Variants in FAM118B observed in about 807,000 individuals in gnomAD.
FAM118B encodes the protein SIR2 antiphage like 1, also known as protein FAM118B.
Under a neutral mutation model 38.5 loss-of-function variants are expected in FAM118B, and 24 were observed. The observed-to-expected ratio is 0.62, with a 90% CI of 0.45 to 0.88. The LOEUF (loss-of-function observed/expected upper bound fraction) is 0.88, where lower values mean the gene tolerates loss of function less well. Among genes scored for constraint, FAM118B ranks in the 40% least tolerant of loss-of-function variants. The pLI, the probability that FAM118B is intolerant of heterozygous loss-of-function variation, is 0.00. For missense variants in FAM118B, 334 were observed against 420.0 expected (o/e 0.80, Z 1.79); for synonymous variants, 138 against 156.3 (o/e 0.88, Z 0.87).
At chr11:126,221,089 A>G (rs1207504931) in intron 1 of FAM118B, among the ~76,000 whole-genome samples, 2 of 152,216 alleles carry the variant, frequency 1.3e-5, no homozygotes, top group African/African-American at 4.8e-5. Flanking sequence ...TGGGAGCCTG[A>G]GGCAGGAGAA....
At chr11:126,218,969 G>T (rs190496752) in intron 1 of FAM118B, among the ~76,000 whole-genome samples, 1 of 152,248 alleles carries the variant, frequency 6.6e-6, no homozygotes, top group East Asian at 1.9e-4. Context: ...CTCTGGATTT[G>T]GGGGTGGAGA....
chr11:126,235,214 A>G, intron 3 of FAM118B, 127 bp downstream of exon 3: 1 of 748,634 alleles, frequency 1.3e-6, no homozygotes, highest in Admixed American at 2.8e-5. Context: ...TCAAAATTAA[A>G]TTGTTTTTAT....
At chr11:126,237,394 TTTTA>T (rs1950290452) in intron 3 of FAM118B, among the ~76,000 whole-genome samples, 1 of 145,714 alleles carries the variant, frequency 6.9e-6, no homozygotes. Context: ...CTAATTTTTA[TTTTA>T]TTTATTTATT....
At position 126,250,448 on chromosome 11, in the gene FAM118B, A is replaced by G. The variant is rs1950486939; in HGVS notation, c.340-58A>G. The stretch of plus-strand genomic sequence containing the variant: ...CAAAATTTGTTACTGCTGTAACTAA[A>G]ACAACTGACCTACCAAAGCACTTTG... On this transcript the variant is annotated intron_variant, in intron 4 of 8. Transcript: ENST00000533050. This position sits in a 1 kb window ranked among gnomAD's most constrained non-coding sequence, Gnocchi z 5.1. The G allele has an allele frequency of 8.0e-7, 1 of 1,243,052 alleles. No homozygotes were observed. The highest frequency in any genetic ancestry group is 1.2e-6 in the Non-Finnish European group (1 of 859,602). 77.0% of individuals were successfully genotyped at this position (1,243,052 alleles called of 1,614,324 possible). A position where few individuals can be genotyped will look rare whatever the true frequency, so the allele number is the denominator to read the frequency against.
Position 126,252,520 on chromosome 11 carries a change from A to G in FAM118B, c.568-1785A>G, listed in dbSNP as rs1372572854. On this transcript the variant is annotated intron_variant, in intron 5 of 8. Coordinates refer to ENST00000533050, the MANE Select transcript of FAM118B (RefSeq NM_024556.4). This position sits in a 1 kb window ranked among gnomAD's most constrained non-coding sequence, Gnocchi z 4.7. Reference sequence around the variant, plus strand: ...CAGCACTTTGGGAAGCTGAGGCGGGAGGATCACTTGAGCCTAGTTCAAGAC... The same window carrying G: ...CAGCACTTTGGGAAGCTGAGGCGGGGGGATCACTTGAGCCTAGTTCAAGAC... Among the ~76,000 whole-genome samples the G allele has an allele frequency of 6.6e-6, 1 of 151,692 alleles. No individual in the cohort carries two copies. Among genetic ancestry groups the G allele is most frequent in the Non-Finnish European group, 1.5e-5 (1 of 67,894 alleles).
intron 1 of FAM118B, among the ~76,000 whole-genome samples, chr11:126,217,923 A>G (rs2135124744): frequency 6.6e-6 from 1 of 152,130 alleles, no homozygotes; most frequent in Non-Finnish European, 1.5e-5. Context: ...ACGTGACCGT[A>G]TTTTGTTTGT....
At chr11:126,214,872 C>G (rs920639153) in intron 1 of FAM118B, among the ~76,000 whole-genome samples, 5 of 152,126 alleles carry the variant, frequency 3.3e-5, no homozygotes, top group Non-Finnish European at 5.9e-5. Flanking sequence ...CAAACAAGGA[C>G]TAACTAATAA....
rs549922825 is a variant in FAM118B, at chr11:126,219,349, C to CTTTTTTTTTTTTTT, written c.-77+7546_-77+7559dup. Among the ~76,000 whole-genome samples the CTTTTTTTTTTTTTT allele has an allele frequency of 4.3e-4, 19 of 44,466 alleles. 2 individuals carry two copies. Among genetic ancestry groups the CTTTTTTTTTTTTTT allele is most frequent in the Non-Finnish European group, 6.6e-4 (17 of 25,872 alleles). 29.2% of individuals were successfully genotyped at this position (44,466 alleles called of 152,430 possible). A position where few individuals can be genotyped will look rare whatever the true frequency, so the allele number is the denominator to read the frequency against. On this transcript the variant is annotated intron_variant, in intron 1 of 8. Transcript: ENST00000533050. The stretch of plus-strand genomic sequence containing the variant: ...AGCTTATCCTTCAGCTCTTGTTTAT[C>CTTTTTTTTTTTTTT]TTTTTTTTTTTTTTTTTTTTTTTTT...
At position 126,256,869 on chromosome 11, in the gene FAM118B, A is replaced by G; in HGVS notation, c.982+17A>G. The G allele has an allele frequency of 1.3e-6, 2 of 1,596,458 alleles. No homozygotes were observed. Among genetic ancestry groups the G allele is most frequent in the Non-Finnish European group, 1.7e-6 (2 of 1,170,384 alleles). ...GTACATCAGGTAAGATGCATTTTGA[A>G]GCTGAGGGGAATCAGAGAACAACAG... On this transcript the variant is annotated intron_variant, in intron 7 of 8. Coordinates refer to ENST00000533050, the MANE Select transcript of FAM118B (RefSeq NM_024556.4). This position sits in a 1 kb window ranked among gnomAD's most constrained non-coding sequence, Gnocchi z 6.6.
Position 126,240,865 on chromosome 11 carries a change from G to A in FAM118B, c.160G>A (p.Ala54Thr). ...AGTGATTGGAACAGGCATTAGTGCT[G>A]CAGTTGCGCCCCAAGTTCCAGCCCT... ...VLVIGTGISA[A>T]VAPQVPALKS... Residue 54 changes from alanine to threonine, a missense_variant, in exon 4 of 9, where the codon GCA (alanine) becomes ACA (threonine). Ala to Thr is a moderately conservative substitution (Grantham distance 58, BLOSUM62 0). Transcript: ENST00000533050. 1 of 1,614,158 alleles carries A rather than the reference G, an allele frequency of 6.2e-7. No individual in the cohort carries two copies. The highest frequency in any genetic ancestry group is 1.1e-5 in the South Asian group (1 of 91,082).
At chr11:126,214,479 C>CTTTTTTTTTTT (rs201268093) in intron 1 of FAM118B, 1 of 79,182 alleles carries the variant, frequency 1.3e-5, no homozygotes, top group African/African-American at 4.5e-5. Context: ...GCAAAAAACT[C>CTTTTTTTTTTT]TTTTGTTTCT....
intron 7 of FAM118B, chr11:126,260,282 C>G (rs1950661396): frequency 6.6e-6 from 1 of 152,204 alleles, no homozygotes; most frequent in Non-Finnish European, 1.5e-5. Flanking sequence ...ATCCTCCCAC[C>G]TCAGCTTCCC....
intron 1 of FAM118B, among the ~76,000 whole-genome samples, chr11:126,212,750 C>T (rs556573250): frequency 6.6e-6 from 1 of 152,254 alleles, no homozygotes; most frequent in South Asian, 2.1e-4. Flanking sequence ...AAGGGTTTGG[C>T]AGAAGGGAGC....
In FAM118B at chr11:126,250,541, CTG is replaced by C; in HGVS notation, c.377_378del (p.Cys126PhefsTer3). Reference sequence around the variant, plus strand: ...ATGTTCGATCCACATTTTTCAAGGACTGTTTATATGAAGTATTTGATGACTTG... The same window carrying C: ...ATGTTCGATCCACATTTTTCAAGGACTTTATATGAAGTATTTGATGACTTG... The part of the protein sequence containing the change: ...SNVRSTFFKD[C>X]LYEVFDDLES... On this transcript the variant is annotated frameshift_variant, in exon 5 of 9. Coordinates refer to ENST00000533050, the MANE Select transcript of FAM118B (RefSeq NM_024556.4). LOFTEE classifies it high-confidence loss of function. This position sits in a 1 kb window ranked among gnomAD's most constrained non-coding sequence, Gnocchi z 5.1. 6.2e-7 allele frequency: 1 copy of C among 1,614,016 alleles called. No individual in the cohort carries two copies. Among genetic ancestry groups the C allele is most frequent in the Non-Finnish European group, 8.5e-7 (1 of 1,179,934 alleles).
At chr11:126,247,857 C>CAA (rs35290990) in intron 4 of FAM118B, among the ~76,000 whole-genome samples, 19 of 125,018 alleles carry the variant, frequency 1.5e-4, no homozygotes, top group East Asian at 1.1e-3. Flanking sequence ...GACTCCATCT[C>CAA]AAAAAAAAAA....
chr11:126,235,186 T>TAG (rs1950257918), intron 3 of FAM118B, 99 bp downstream of exon 3: 3 of 957,332 alleles, frequency 3.1e-6, no homozygotes, highest in Admixed American at 4.7e-5. Flanking sequence ...TTTCACTAAT[T>TAG]AGTATTGACC....
chr11:126,252,420 CAGTT>C lies in FAM118B; in HGVS notation c.567+1690_567+1693del, dbSNP rs1440820748. Among the ~76,000 whole-genome samples the C allele has an allele frequency of 2.6e-4, 40 of 152,148 alleles. No homozygotes were observed. The highest frequency in any genetic ancestry group is 8.7e-4 in the African/African-American group (36 of 41,426). On this transcript the variant is annotated intron_variant, in intron 5 of 8. Transcript: ENST00000533050. This position sits in a 1 kb window ranked among gnomAD's most constrained non-coding sequence, Gnocchi z 4.7. ...TACAACCCTCATGTCTCAAATATGA[CAGTT>C]AGGTGCTTGGTAAATATTTTTTTGA...
intron 1 of FAM118B, among the ~76,000 whole-genome samples, chr11:126,219,352 T>G (rs928344142): frequency 6.7e-5 from 1 of 15,014 alleles, no homozygotes; most frequent in Non-Finnish European, 1.4e-4. Flanking sequence ...TGTTTATCTT[T>G]TTTTTTTTTT....
intron 5 of FAM118B, 53 bp from the exon 6 acceptor site, chr11:126,254,252 T>C: frequency 5.0e-6 from 8 of 1,588,848 alleles, no homozygotes; most frequent in Non-Finnish European, 6.9e-6. Context: ...TTGTGACCTT[T>C]AAACAGGTGC....
Sources: gnomAD v4.1 joint callset for allele counts (sites outside exome capture counted in the v4.1 genomes callset) on GRCh38, gnomAD v4.1.1 for gene constraint, Gnocchi (gnomAD v3.1) non-coding constraint, MANE v1.5 for transcripts, NCBI Gene and HGNC (gene_info 2026-07-23, HGNC 2026-07-21) for gene names.